The following HSPA12A variants were observed in gnomAD, a reference collection of about 807,000 sequenced individuals.
HSPA12A encodes the protein heat shock protein family A (Hsp70) member 12A.
A neutral mutation model predicts 69.2 loss-of-function variants in HSPA12A; 28 were observed. That is an observed-to-expected ratio of 0.40 (90% CI 0.30 to 0.55). The LOEUF (loss-of-function observed/expected upper bound fraction) is 0.55, where lower values mean the gene tolerates loss of function less well. Ranked by LOEUF, HSPA12A falls within the 20% of genes least tolerant of loss-of-function variation. HSPA12A has a pLI of 0.38. For missense variants in HSPA12A, 686 were observed against 900.7 expected, an observed-to-expected ratio of 0.76 and a Z score of 3.05; for synonymous variants, 345 against 370.5, an observed-to-expected ratio of 0.93 and a Z score of 0.79.
At chr10:116,828,235 G>C (rs906633381) in intron 2 of HSPA12A, among the ~76,000 whole-genome samples, 2 of 152,176 alleles carry the variant, frequency 1.3e-5, no homozygotes, top group Non-Finnish European at 2.9e-5. Flanking sequence ...TTTCTCTGCA[G>C]ACTTCAAACA....
intron 1 of HSPA12A, among the ~76,000 whole-genome samples, chr10:116,729,150 C>A (rs1243149488): frequency 3.3e-5 from 5 of 152,200 alleles, no homozygotes; most frequent in Non-Finnish European, 7.3e-5. Context: ...CAAGGACTGA[C>A]AAAGGGCACC....
At chr10:116,753,207 G>C (rs1476548870) in intron 2 of HSPA12A, among the ~76,000 whole-genome samples, 1 of 152,182 alleles carries the variant, frequency 6.6e-6, no homozygotes, top group Non-Finnish European at 1.5e-5. Flanking sequence ...ATCCTGCAGG[G>C]CAAACCCATG....
intron 2 of HSPA12A, among the ~76,000 whole-genome samples, chr10:116,757,841 A>G (rs1387486220): frequency 6.6e-5 from 10 of 152,224 alleles, no homozygotes; most frequent in African/African-American, 2.4e-4. Context: ...TGAGCGACCT[A>G]TTAGAATGGC....
At chr10:116,712,977 A>AAT (rs56007651) in intron 1 of HSPA12A, among the ~76,000 whole-genome samples, 5,248 of 80,588 alleles carry the variant, frequency 0.065, 299 homozygotes, top group South Asian at 0.084. Context: ...TAAAAAATGC[A>AAT]ATATATATAT....
chr10:116,704,818 G>C (rs1181957124), intron 3 of HSPA12A, among the ~76,000 whole-genome samples: 1 of 152,160 alleles, frequency 6.6e-6, no homozygotes, highest in African/African-American at 2.4e-5. Flanking sequence ...AAGTGGCCAA[G>C]CTGGCACCTG....
chr10:116,721,303 C>G (rs970562290), intron 1 of HSPA12A, among the ~76,000 whole-genome samples: 2 of 152,050 alleles, frequency 1.3e-5, no homozygotes, highest in Admixed American at 1.3e-4. Context: ...TCCTGGGGAC[C>G]GAATTTGCTC....
intron 2 of HSPA12A, among the ~76,000 whole-genome samples, chr10:116,822,507 T>G (rs1190458768): frequency 6.6e-6 from 1 of 152,180 alleles, no homozygotes; most frequent in Admixed American, 6.5e-5. Flanking sequence ...AAGAGACCGG[T>G]AGAAATGAGG....
At chr10:116,683,516 C>T (rs1245964649) in intron 7 of HSPA12A, 21 of 319,580 alleles carry the variant, frequency 6.6e-5, no homozygotes, top group African/African-American at 2.7e-4. Flanking sequence ...GGCCAATAAC[C>T]GCTCTCAGGC....
intron 2 of HSPA12A, among the ~76,000 whole-genome samples, chr10:116,805,965 C>T (rs1469216091): frequency 3.3e-5 from 5 of 152,172 alleles, no homozygotes; most frequent in Non-Finnish European, 4.4e-5. Context: ...CAGGAGGGCA[C>T]CTAGGCAGTG....
At chr10:116,683,983 C>G (rs782458786) in intron 6 of HSPA12A, 21 bp from the exon 7 acceptor site, 41 of 1,540,562 alleles carry the variant, frequency 2.7e-5, no homozygotes, top group Non-Finnish European at 3.3e-5. Context: ...GAAACAGAGG[C>G]TGGGACCCAG....
At chr10:116,711,880 G>A (rs753033359) in intron 1 of HSPA12A, among the ~76,000 whole-genome samples, 1 of 151,590 alleles carries the variant, frequency 6.6e-6, no homozygotes, top group African/African-American at 2.4e-5. Context: ...GTAGAGACAG[G>A]ATTTCACTGT....
intron 2 of HSPA12A, among the ~76,000 whole-genome samples, chr10:116,796,841 G>A (rs931639992): frequency 1.3e-5 from 2 of 152,038 alleles, no homozygotes; most frequent in South Asian, 4.2e-4. Flanking sequence ...TGACAAGAGT[G>A]ATATCTTCAG....
rs191878984 is a variant in HSPA12A at position 116,848,927 on chromosome 10, C to A, written c.3+639G>T. Among the ~76,000 whole-genome samples, 879 of 152,322 alleles carry A rather than the reference C, an allele frequency of 5.8e-3. 5 individuals carry two copies. Among genetic ancestry groups the A allele is most frequent in the Non-Finnish European group, 8.9e-3 (604 of 68,026 alleles). ...CCCAGAGAAGGGCAAGTGGCCGTTT[C>A]TCTCCTGGACATCATAGCAGGCCCA... is the stretch of plus-strand genomic sequence containing the variant. On this transcript the variant is annotated intron_variant, in intron 1 of 12. Transcript: ENST00000635765.
intron 2 of HSPA12A, among the ~76,000 whole-genome samples, chr10:116,795,209 C>T (rs1844791752): frequency 6.6e-6 from 1 of 152,104 alleles, no homozygotes; most frequent in Non-Finnish European, 1.5e-5. Context: ...CCTTCCATTC[C>T]CAAGGCAATA....
intron 2 of HSPA12A, among the ~76,000 whole-genome samples, chr10:116,767,407 AAGGCAGAGCAGAC>A (rs1199578748): frequency 6.6e-6 from 1 of 152,282 alleles, no homozygotes; most frequent in Admixed American, 6.5e-5. Flanking sequence ...CTGCAGAGCT[AAGGCAGAGCAGAC>A]AGGAGAGGGT....
chr10:116,683,737 T>A (rs782135214), intron 7 of HSPA12A, 54 bp downstream of exon 7: 1 of 1,438,484 alleles, frequency 7.0e-7, no homozygotes, highest in Non-Finnish European at 9.3e-7. Context: ...GAGAGAGACA[T>A]CCAGGGCTTG....
At chr10:116,841,381 C>T (rs1003653481) in intron 1 of HSPA12A, among the ~76,000 whole-genome samples, 2 of 152,138 alleles carry the variant, frequency 1.3e-5, no homozygotes, top group African/African-American at 2.4e-5. Context: ...GAAACAGATG[C>T]TGATCATCAG....
At chr10:116,765,830 TAGAC>T (rs1844065573) in intron 2 of HSPA12A, among the ~76,000 whole-genome samples, 1 of 152,222 alleles carries the variant, frequency 6.6e-6, no homozygotes, top group South Asian at 2.1e-4. Flanking sequence ...TGCCTTAGCG[TAGAC>T]AAACACAGAC....
intron 2 of HSPA12A, among the ~76,000 whole-genome samples, chr10:116,826,747 G>A (rs765711774): frequency 1.3e-5 from 2 of 152,132 alleles, no homozygotes; most frequent in African/African-American, 4.8e-5. Context: ...TTCCTTATAT[G>A]GACAGAAAAT....
Sources: allele counts gnomAD v4.1 joint callset (sites outside exome capture counted in the v4.1 genomes callset), GRCh38; gene constraint gnomAD v4.1.1; transcripts MANE v1.5; gene names NCBI Gene and HGNC (gene_info 2026-07-23, HGNC 2026-07-21).